RBFOX3: variants seen among roughly 807,000 people sequenced by gnomAD.
RBFOX3 encodes RNA binding fox-1 homolog 3, also known as RNA binding protein fox-1 homolog 3.
A neutral mutation model predicts 48.7 loss-of-function variants in RBFOX3; 17 were observed. The observed-to-expected ratio is 0.35, with a 90% CI of 0.24 to 0.52. The LOEUF is 0.52. RBFOX3 is among the 20% of genes least tolerant of loss of function. The pLI, the probability that RBFOX3 is intolerant of heterozygous loss-of-function variation, is 0.94. For missense variants in RBFOX3, 382 were observed against 497.5 expected, an observed-to-expected ratio of 0.77 and a Z score of 2.21; for synonymous variants, 212 against 209.5, an observed-to-expected ratio of 1.01 and a Z score of -0.10.
chr17:79,365,034 A>G lies in RBFOX3; in HGVS notation c.-174-57210T>C, dbSNP rs528216029. On this transcript the variant is annotated intron_variant, in intron 2 of 14. Coordinates refer to ENST00000693108, the MANE Select transcript of RBFOX3 (RefSeq NM_001350451.2). ...TGGGCCAGTCTTGGACACATTAACT[A>G]GAGTTGGTGGGGGAGGCTTGTCTCT... 1.2e-3 allele frequency among the ~76,000 whole-genome samples: 182 copies of G among 152,268 alleles called. 1 individual carries two copies. Among genetic ancestry groups the G allele is most frequent in the African/African-American group, 4.2e-3 (173 of 41,562 alleles).
chr17:79,267,297 C>T (rs913398526), intron 3 of RBFOX3, among the ~76,000 whole-genome samples: 1 of 152,176 alleles, frequency 6.6e-6, no homozygotes, highest in Non-Finnish European at 1.5e-5. Context: ...CAGTGCCTCC[C>T]CTTCAAGCTG....
chr17:79,604,088 A>G (rs1025559313), intron 1 of RBFOX3, among the ~76,000 whole-genome samples: 2 of 152,238 alleles, frequency 1.3e-5, no homozygotes, highest in African/African-American at 4.8e-5. Context: ...TTCCATTTCA[A>G]TGTGCATGTA....
At chr17:79,620,663 GCACAT>G in the RBFOX3 span, among the ~76,000 whole-genome samples, 1 of 109,296 alleles carries the variant, frequency 9.1e-6, no homozygotes, top group Non-Finnish European at 1.6e-5. Context: ...ATGCACACAC[GCACAT>G]GCACACACGC....
intron 2 of RBFOX3, among the ~76,000 whole-genome samples, chr17:79,412,983 G>T (rs764408282): frequency 3.3e-5 from 5 of 152,082 alleles, no homozygotes; most frequent in Non-Finnish European, 7.4e-5. Context: ...CCTCCCTTCT[G>T]CTCTCTGACA....
intron 2 of RBFOX3, among the ~76,000 whole-genome samples, chr17:79,381,224 C>T (rs55821335): frequency 0.25 from 37,634 of 150,686 alleles, 4,977 homozygotes; most frequent in South Asian, 0.43. Flanking sequence ...CCCGCCACTG[C>T]ATTCCAGCCT....
At chr17:79,156,783 T>G (rs1436471130) in intron 4 of RBFOX3, among the ~76,000 whole-genome samples, 1 of 152,108 alleles carries the variant, frequency 6.6e-6, no homozygotes, top group African/African-American at 2.4e-5. Flanking sequence ...GGCCGGCCCC[T>G]GAGCTGGACA....
chr17:79,146,139 A>G (rs1323730358), intron 4 of RBFOX3, among the ~76,000 whole-genome samples: 1 of 152,090 alleles, frequency 6.6e-6, no homozygotes, highest in African/African-American at 2.4e-5. Context: ...ATACAGACGA[A>G]GCTTCACTCC....
At chr17:79,624,049 C>G in the RBFOX3 span, among the ~76,000 whole-genome samples, 1 of 152,188 alleles carries the variant, frequency 6.6e-6, no homozygotes, top group South Asian at 2.1e-4. Flanking sequence ...GGAATGCAGC[C>G]TTTCTGCATT....
chr17:79,360,551 G>A (rs909899659), intron 2 of RBFOX3, among the ~76,000 whole-genome samples: 2 of 152,188 alleles, frequency 1.3e-5, no homozygotes, highest in African/African-American at 2.4e-5. Flanking sequence ...AGCCAGCATC[G>A]GAGACGATGA....
Position 79,443,539 on chromosome 17 carries a change from C to A in RBFOX3, c.-175+38915G>T, listed in dbSNP as rs4789896. 0.19 allele frequency among the ~76,000 whole-genome samples: 28,202 copies of A among 152,080 alleles called. 3,021 individuals are homozygous for A. Among genetic ancestry groups the A allele is most frequent in the Non-Finnish European group, 0.24 (16,031 of 67,946 alleles). ...CTGGGATTATAGGCACCTGACACCACTCCCGGCTAATTTTTGTATTTTTAG... is the reference window on the plus strand; with the variant it reads ...CTGGGATTATAGGCACCTGACACCAATCCCGGCTAATTTTTGTATTTTTAG... On this transcript the variant is annotated intron_variant, in intron 2 of 14. Coordinates refer to ENST00000693108, the MANE Select transcript of RBFOX3 (RefSeq NM_001350451.2). This position sits in a 1 kb window ranked among gnomAD's most constrained non-coding sequence, Gnocchi z 4.4.
At chr17:79,099,729 G>A (rs2076071210) in intron 9 of RBFOX3, 1 of 152,186 alleles carries the variant, frequency 6.6e-6, no homozygotes, top group Non-Finnish European at 1.5e-5. Flanking sequence ...GCCTCCACCT[G>A]TCTCTGCTGC....
intron 1 of RBFOX3, among the ~76,000 whole-genome samples, chr17:79,610,055 C>A (rs924242367): frequency 4.6e-5 from 7 of 152,144 alleles, no homozygotes; most frequent in African/African-American, 7.2e-5. Flanking sequence ...GCCTTCCTAT[C>A]GTGCTTGGGG....
intron 1 of RBFOX3, among the ~76,000 whole-genome samples, chr17:79,493,089 G>A (rs1340055265): frequency 6.6e-6 from 1 of 152,134 alleles, no homozygotes; most frequent in African/African-American, 2.4e-5. Flanking sequence ...TCTGCTCCTG[G>A]TGAGGTCTCA....
At chr17:79,436,611 T>C (rs537054749) in intron 2 of RBFOX3, among the ~76,000 whole-genome samples, 183 of 152,230 alleles carry the variant, frequency 1.2e-3, no homozygotes, top group Admixed American at 2.1e-3. Flanking sequence ...CAGCAGTACG[T>C]GCCTGGGCCT....
rs2057370274 is a variant in RBFOX3, at chr17:79,363,991, A to AG, written c.-174-56168dup. Among the ~76,000 whole-genome samples the AG allele has an allele frequency of 6.6e-6, 1 of 152,040 alleles. No individual in the cohort carries two copies. Among genetic ancestry groups the AG allele is most frequent in the South Asian group, 2.1e-4 (1 of 4,822 alleles). On this transcript the variant is annotated intron_variant, in intron 2 of 14. Transcript: ENST00000693108. This position sits in a 1 kb window ranked among gnomAD's most constrained non-coding sequence, Gnocchi z 4.7. ...CTCCACCACGCCCTCCTTTTCCACCAGGCTTTATGGGGCTGTGCCTTCTCA... is the reference window on the plus strand; with the variant it reads ...CTCCACCACGCCCTCCTTTTCCACCAGGGCTTTATGGGGCTGTGCCTTCTCA...
At chr17:79,575,401 G>T (rs1399980871) in intron 1 of RBFOX3, among the ~76,000 whole-genome samples, 1 of 152,174 alleles carries the variant, frequency 6.6e-6, no homozygotes, top group Non-Finnish European at 1.5e-5. Context: ...AGAACTCCGG[G>T]AGGCCACAGA....
At chr17:79,099,869 C>A (rs2076093333) in intron 9 of RBFOX3, 1 of 152,230 alleles carries the variant, frequency 6.6e-6, no homozygotes, top group Admixed American at 6.5e-5. Flanking sequence ...GAAACCTCCA[C>A]CCCCAACTGA....
chr17:79,517,001 G>A (rs899354643), intron 1 of RBFOX3, among the ~76,000 whole-genome samples: 52 of 152,230 alleles, frequency 3.4e-4, no homozygotes, highest in Non-Finnish European at 6.2e-4. Flanking sequence ...GTTTCATAGG[G>A]GCCGAGCTTT....
intron 4 of RBFOX3, among the ~76,000 whole-genome samples, chr17:79,189,611 T>C (rs1011637455): frequency 1.3e-5 from 2 of 152,252 alleles, no homozygotes; most frequent in Non-Finnish European, 2.9e-5. Context: ...TGCTGAGCCC[T>C]GTGATGACGC....
Sources: gnomAD v4.1 joint callset for allele counts (sites outside exome capture counted in the v4.1 genomes callset) on GRCh38, gnomAD v4.1.1 for gene constraint, Gnocchi (gnomAD v3.1) non-coding constraint, MANE v1.5 for transcripts, NCBI Gene and HGNC (gene_info 2026-07-23, HGNC 2026-07-21) for gene names.